DNAJC24: variants seen among roughly 807,000 people sequenced by gnomAD.
DNAJC24 encodes the protein dnaJ homolog subfamily C member 24.
A neutral mutation model predicts 18.0 loss-of-function variants in DNAJC24; 17 were observed. That is an observed-to-expected ratio of 0.94 (90% CI 0.65 to 1.42). DNAJC24 has a LOEUF of 1.42. DNAJC24 is among the 40% of genes most tolerant of loss of function. The pLI, the probability that DNAJC24 is intolerant of heterozygous loss-of-function variation, is 0.00. For synonymous variants in DNAJC24, 55 were observed against 57.7 expected (o/e 0.95, Z 0.21); for missense variants, 158 against 175.6 (o/e 0.90, Z 0.57).
intron 2 of DNAJC24, among the ~76,000 whole-genome samples, chr11:31,383,937 C>T (rs1172183104): frequency 6.6e-6 from 1 of 152,216 alleles, no homozygotes; most frequent in Admixed American, 6.5e-5. Context: ...ATAGGGCTAT[C>T]AGAACAAAAG....
chr11:31,390,872 A>G (rs1952488529), intron 2 of DNAJC24, among the ~76,000 whole-genome samples: 1 of 152,194 alleles, frequency 6.6e-6, no homozygotes, highest in South Asian at 2.1e-4. Flanking sequence ...CTACAAGGCC[A>G]TTATTACCCT....
At chr11:31,403,975 T>C (rs1199061667) in intron 2 of DNAJC24, among the ~76,000 whole-genome samples, 1 of 152,246 alleles carries the variant, frequency 6.6e-6, no homozygotes. Context: ...CTTGATTATA[T>C]GTTAAACAAG....
At chr11:31,415,219 A>G in intron 3 of DNAJC24, 1 of 323,580 alleles carries the variant, frequency 3.1e-6, no homozygotes, top group Non-Finnish European at 5.6e-6. Flanking sequence ...ATTACACATT[A>G]CTAACTAATA....
In DNAJC24 at chr11:31,414,924, AAG is replaced by A. The variant is rs759862339; in HGVS notation, c.230_231del (p.Glu77ValfsTer2). ...AAATTCTAGGAAATGAAGAGACAAA[AAG>A]AGAGTATGACCTGCAGCGGTGTGGT... Reference protein sequence around the residue: ...WKILGNEETKREYDLQRCEDD... With the variant: ...WKILGNEETKXEYDLQRCEDD... On this transcript the variant is annotated frameshift_variant, in exon 3 of 5. Coordinates refer to ENST00000465995, the MANE Select transcript of DNAJC24 (RefSeq NM_181706.5). LOFTEE classifies it high-confidence loss of function. The A allele has an allele frequency of 1.1e-5, 17 of 1,613,966 alleles. No individual in the cohort carries two copies. The highest frequency in any genetic ancestry group is 1.4e-5 in the Non-Finnish European group (17 of 1,179,946).
Position 31,432,504 on chromosome 11 carries a change from T to C in DNAJC24, c.*2103T>C, listed in dbSNP as rs1280848377. The C allele has an allele frequency of 4.4e-6, 7 of 1,608,852 alleles. No homozygotes were observed. Among genetic ancestry groups the C allele is most frequent in the Non-Finnish European group, 6.0e-6 (7 of 1,176,032 alleles). On this transcript the variant is annotated 3_prime_UTR_variant, in exon 5 of 5. Transcript: ENST00000465995. ...AGTCAAAAGAATAAATGCTTACTAA[T>C]CATCAGAAAATCTGTGGCCATTAGG... is the stretch of plus-strand genomic sequence containing the variant.
rs142546247 is a variant in DNAJC24, at chr11:31,400,452, G to A, written c.112-14359G>A. Among the ~76,000 whole-genome samples, 227 of 152,276 alleles carry A rather than the reference G, an allele frequency of 1.5e-3. 1 individual carries two copies. The highest frequency in any genetic ancestry group is 4.1e-3 in the Admixed American group (62 of 15,300). ...CTAAGCAAAAAGAACAAAGCTGGAG[G>A]TATCACGCTACCTGACTTCAAACTA... is the stretch of plus-strand genomic sequence containing the variant. On this transcript the variant is annotated intron_variant, in intron 2 of 4. Transcript: ENST00000465995.
intron 1 of DNAJC24, among the ~76,000 whole-genome samples, chr11:31,370,359 C>T (rs1952207692): frequency 6.6e-6 from 1 of 152,058 alleles, no homozygotes; most frequent in Non-Finnish European, 1.5e-5. Context: ...CATTAAGCTC[C>T]TCCAGCGTGT....
At chr11:31,406,709 G>T (rs990619488) in intron 2 of DNAJC24, among the ~76,000 whole-genome samples, 3 of 152,164 alleles carry the variant, frequency 2.0e-5, no homozygotes, top group African/African-American at 7.2e-5. Flanking sequence ...GGATTGGAAA[G>T]CTGTTAGAAG....
intron 2 of DNAJC24, among the ~76,000 whole-genome samples, chr11:31,390,715 A>C (rs1222472601): frequency 6.6e-6 from 1 of 151,656 alleles, no homozygotes; most frequent in Non-Finnish European, 1.5e-5. Context: ...TAAAAAAAAA[A>C]AAAAAAAAAA....
At chr11:31,382,468 A>G (rs2133471477) in intron 2 of DNAJC24, among the ~76,000 whole-genome samples, 1 of 152,362 alleles carries the variant, frequency 6.6e-6, no homozygotes, top group Non-Finnish European at 1.5e-5. Flanking sequence ...AGAATCATGC[A>G]GGGCCATATA....
chr11:31,420,272 T>C (rs1252082865), intron 3 of DNAJC24, among the ~76,000 whole-genome samples: 1 of 152,030 alleles, frequency 6.6e-6, no homozygotes, highest in East Asian at 1.9e-4. Context: ...TTCTTATTCT[T>C]TGTTCAAGGT....
chr11:31,420,107 G>T (rs1394447409), intron 3 of DNAJC24, among the ~76,000 whole-genome samples: 1 of 151,790 alleles, frequency 6.6e-6, no homozygotes, highest in Non-Finnish European at 1.5e-5. Flanking sequence ...AATTTAAATG[G>T]GACAGAAGCT....
chr11:31,425,364 G>A (rs1265129284), intron 3 of DNAJC24, among the ~76,000 whole-genome samples: 2 of 152,152 alleles, frequency 1.3e-5, no homozygotes, highest in African/African-American at 4.8e-5. Flanking sequence ...CTTTTAGTCT[G>A]ATCTCATTTG....
At chr11:31,396,854 C>G (rs1165321733) in intron 2 of DNAJC24, among the ~76,000 whole-genome samples, 2 of 152,152 alleles carry the variant, frequency 1.3e-5, no homozygotes, top group South Asian at 4.1e-4. Context: ...CCCTATCCAA[C>G]CATTCTTTCA....
intron 2 of DNAJC24, among the ~76,000 whole-genome samples, chr11:31,411,803 A>C (rs1032344232): frequency 6.6e-6 from 1 of 152,202 alleles, no homozygotes; most frequent in Non-Finnish European, 1.5e-5. Context: ...AAATAAAGTA[A>C]CATTTACAGG....
intron 2 of DNAJC24, among the ~76,000 whole-genome samples, chr11:31,394,244 G>C (rs1432450952): frequency 6.6e-6 from 1 of 152,142 alleles, no homozygotes; most frequent in Admixed American, 6.5e-5. Flanking sequence ...GCACTAAATA[G>C]ACTGTGAAAA....
intron 2 of DNAJC24, among the ~76,000 whole-genome samples, chr11:31,378,462 C>G (rs1013693557): frequency 6.6e-6 from 1 of 152,142 alleles, no homozygotes; most frequent in Non-Finnish European, 1.5e-5. Flanking sequence ...ATCAGATACT[C>G]TTGTAATCAC....
intron 2 of DNAJC24, among the ~76,000 whole-genome samples, chr11:31,378,084 G>A (rs1043137880): frequency 1.4e-4 from 21 of 152,096 alleles, no homozygotes; most frequent in African/African-American, 4.3e-4. Flanking sequence ...AAATTACCAC[G>A]TTGGAAAAGA....
intron 3 of DNAJC24, chr11:31,421,893 C>T: frequency 2.5e-6 from 1 of 400,302 alleles, no homozygotes; most frequent in African/African-American, 2.1e-5. Flanking sequence ...CTGAACCAAG[C>T]TGCTAATAGT....
Sources: allele counts gnomAD v4.1 joint callset (sites outside exome capture counted in the v4.1 genomes callset), GRCh38; gene constraint gnomAD v4.1.1; transcripts MANE v1.5; gene names NCBI Gene and HGNC (gene_info 2026-07-23, HGNC 2026-07-21).